IFT122: variants seen among roughly 807,000 people sequenced by gnomAD.
IFT122 encodes intraflagellar transport protein 122 homolog.
A neutral mutation model predicts 161.6 loss-of-function variants in IFT122; 118 were observed. The observed-to-expected ratio is 0.73, with a 90% CI of 0.63 to 0.85. The LOEUF is 0.85. Ranked by LOEUF, IFT122 falls within the 40% of genes least tolerant of loss-of-function variation. The pLI, the probability that IFT122 is intolerant of heterozygous loss-of-function variation, is 0.00. For missense variants in IFT122, 1,381 were observed against 1,579.6 expected (o/e 0.87, Z 2.13); for synonymous variants, 550 against 602.4 (o/e 0.91, Z 1.27).
intron 16 of IFT122, 57 bp from the exon 17 acceptor site, chr3:129,492,084 C>T: frequency 7.5e-7 from 1 of 1,338,776 alleles, no homozygotes; most frequent in Non-Finnish European, 1.1e-6. Flanking sequence ...CCTAGCCAAT[C>T]ACCCACTTTT....
At position 129,443,649 on chromosome 3, in the gene IFT122, T is replaced by C. The variant is rs78834324; in HGVS notation, c.41+3278T>C. 8.8e-3 allele frequency among the ~76,000 whole-genome samples: 1,338 copies of C among 152,366 alleles called. 13 individuals carry two copies. Among genetic ancestry groups the C allele is most frequent in the Non-Finnish European group, 0.015 (1,021 of 68,042 alleles). ...AATATGTAGAACATGGCCATTGCTT[T>C]CAAATTGTGTATGACTATAATTAAA... On this transcript the variant is annotated intron_variant, in intron 1 of 29. Transcript: ENST00000348417.
chr3:129,470,650 G>A (rs1387939816), intron 9 of IFT122, among the ~76,000 whole-genome samples: 9 of 151,318 alleles, frequency 5.9e-5, no homozygotes, highest in Admixed American at 5.9e-4. Flanking sequence ...GGTTCACTGC[G>A]ACCTCTGCCT....
In IFT122 at chr3:129,511,946, A is replaced by G. The variant is rs574651202; in HGVS notation, c.2887-366A>G. Among the ~76,000 whole-genome samples the G allele has an allele frequency of 7.2e-5, 11 of 152,378 alleles. No homozygotes were observed. In the South Asian group the frequency reaches 1.9e-3, roughly 26 times the overall value. On this transcript the variant is annotated intron_variant, in intron 23 of 29. Coordinates refer to ENST00000348417, the MANE Select transcript of IFT122 (RefSeq NM_052989.3). ...GAGACAACTTGAGTAGTTCAGAGAAATGGAATAATTACCAACTCCAGAGGC... is the reference window on the plus strand; with the variant it reads ...GAGACAACTTGAGTAGTTCAGAGAAGTGGAATAATTACCAACTCCAGAGGC...
rs1030828555 is a variant in IFT122, at chr3:129,510,017, A to G, written c.2886+2255A>G. On this transcript the variant is annotated intron_variant, in intron 23 of 29. Transcript: ENST00000348417. Reference sequence around the variant, plus strand: ...GCTATCCTTACTGCTGCTCCAGGCAAGGCTTCACGCCAGCTTTCCCTGACC... The same window carrying G: ...GCTATCCTTACTGCTGCTCCAGGCAGGGCTTCACGCCAGCTTTCCCTGACC... Among the ~76,000 whole-genome samples the G allele has an allele frequency of 2.6e-5, 4 of 152,170 alleles. No individual in the cohort carries two copies. In the South Asian group the frequency reaches 8.3e-4, roughly 32 times the overall value.
chr3:129,446,551 G>C (rs1212407119), intron 1 of IFT122, among the ~76,000 whole-genome samples: 1 of 152,102 alleles, frequency 6.6e-6, no homozygotes, highest in Non-Finnish European at 1.5e-5. Context: ...CCAATTGTCA[G>C]AAAAATTTTA....
intron 13 of IFT122, chr3:129,481,295 T>G: frequency 2.0e-6 from 1 of 509,556 alleles, no homozygotes. Context: ...TCGGCCTGTC[T>G]CAGGGCTGTC....
chr3:129,498,396 G>A (rs1487339504), intron 18 of IFT122, among the ~76,000 whole-genome samples: 1 of 152,218 alleles, frequency 6.6e-6, no homozygotes, highest in South Asian at 2.1e-4. Flanking sequence ...TGCTGGCATA[G>A]AGAATCCGCG....
At chr3:129,453,187 A>G (rs2075059380) in intron 3 of IFT122, among the ~76,000 whole-genome samples, 2 of 152,162 alleles carry the variant, frequency 1.3e-5, no homozygotes, top group African/African-American at 4.8e-5. Context: ...TAGGGCATAG[A>G]CGGGGTATTT....
chr3:129,511,323 G>A (rs182727122), intron 23 of IFT122, among the ~76,000 whole-genome samples: 4 of 152,196 alleles, frequency 2.6e-5, no homozygotes, highest in Non-Finnish European at 5.9e-5. Context: ...CTAACAAAAG[G>A]TATAGAAATT....
chr3:129,477,885 T>C lies in IFT122; in HGVS notation c.1148-131T>C. 3 of 754,904 alleles carry C rather than the reference T, an allele frequency of 4.0e-6. No individual in the cohort carries two copies. In the South Asian group the frequency reaches 4.8e-5, roughly 12 times the overall value. The allele number at this position is 754,904 out of a possible 1,614,324, so 46.8% of individuals were successfully genotyped here. ...AGTTGATTGTATGTATTAGATACTC[T>C]AAAGATTTTTCAATGAGAGTATCTC... On this transcript the variant is annotated intron_variant, in intron 11 of 29. Coordinates refer to ENST00000348417, the MANE Select transcript of IFT122 (RefSeq NM_052989.3).
intron 9 of IFT122, among the ~76,000 whole-genome samples, chr3:129,472,474 T>C (rs72988841): frequency 0.036 from 5,474 of 152,192 alleles, 304 homozygotes; most frequent in African/African-American, 0.11. Context: ...CTACTTCTGA[T>C]TTTAAGTGGA....
chr3:129,479,563 G>T (rs1156499439), intron 12 of IFT122, among the ~76,000 whole-genome samples: 1 of 152,172 alleles, frequency 6.6e-6, no homozygotes, highest in Non-Finnish European at 1.5e-5. Flanking sequence ...CTGCCTGGGT[G>T]GGGGTTTGCA....
rs760157093 is a variant in IFT122 at position 129,514,385 on chromosome 3, G to A, written c.2988-4G>A. The A allele has an allele frequency of 3.1e-6, 5 of 1,614,014 alleles. No homozygotes were observed. The highest frequency in any genetic ancestry group is 3.4e-6 in the Non-Finnish European group (4 of 1,179,954). ...CCTGCTGTCCTTAACCCTGTTCACG[G>A]CAGGAAAATACTCTTCACCTTGGCC... On this transcript the variant is annotated splice_region_variant and splice_polypyrimidine_tract_variant and intron_variant, in intron 24 of 29. Coordinates refer to ENST00000348417, the MANE Select transcript of IFT122 (RefSeq NM_052989.3).
intron 17 of IFT122, among the ~76,000 whole-genome samples, chr3:129,492,411 C>A (rs111753761): frequency 4.6e-5 from 7 of 152,292 alleles, no homozygotes; most frequent in African/African-American, 1.7e-4. Flanking sequence ...GGGTGAGGCA[C>A]ATGGGTTCCG....
In IFT122 at chr3:129,458,802, G is replaced by A. The variant is rs1037684097; in HGVS notation, c.272+125G>A. The A allele has an allele frequency of 6.7e-6, 5 of 746,540 alleles. No individual in the cohort carries two copies. In the African/African-American group the frequency reaches 8.7e-5, roughly 13 times the overall value. 46.2% of individuals were successfully genotyped at this position (746,540 alleles called of 1,614,324 possible). A position where few individuals can be genotyped will look rare whatever the true frequency, so the allele number is the denominator to read the frequency against. On this transcript the variant is annotated intron_variant, in intron 4 of 29. Coordinates refer to ENST00000348417, the MANE Select transcript of IFT122 (RefSeq NM_052989.3). ...AAATTGAACTTGAAATTAAGTTGTG[G>A]GTGTGTGTGGTTGGTATAGGAAGGT...
intron 7 of IFT122, among the ~76,000 whole-genome samples, 195 bp downstream of exon 7, chr3:129,464,976 C>T (rs2076560604): frequency 6.6e-6 from 1 of 151,958 alleles, no homozygotes; most frequent in Non-Finnish European, 1.5e-5. Context: ...TAAGAGCCTC[C>T]TCAAAAGTTG....
chr3:129,479,894 G>T lies in IFT122; in HGVS notation c.1460G>T (p.Gly487Val), dbSNP rs775756736. 2.5e-6 allele frequency: 4 copies of T among 1,613,976 alleles called. No homozygotes were observed. Among genetic ancestry groups the T allele is most frequent in the Non-Finnish European group, 2.5e-6 (3 of 1,180,002 alleles). ...ATCGGTGGCCCTCCTGGAAGAGAAG[G>T]CCTCTTAGTGGGGCTGAAGAATGGA... is the stretch of plus-strand genomic sequence containing the variant. Reference protein sequence around the residue: ...KVIGGPPGREGLLVGLKNGQI... With the variant: ...KVIGGPPGREVLLVGLKNGQI... The change falls in exon 13 of 30, where the codon GGC (glycine) becomes GTC (valine). Residue 487 changes from glycine (G) to valine (V), a missense_variant. Around this residue, in one of 7 missense-constraint regions of IFT122, gnomAD observed 544 missense variants for 648.0 expected, o/e 0.84. Transcript: ENST00000348417.
intron 12 of IFT122, 84 bp from the exon 13 acceptor site, chr3:129,479,701 C>G: frequency 6.4e-7 from 1 of 1,551,096 alleles, no homozygotes; most frequent in Non-Finnish European, 8.9e-7. Flanking sequence ...ATTTTCTCCC[C>G]TTAGGGACAG....
chr3:129,445,241 G>A (rs1423682167), intron 1 of IFT122, among the ~76,000 whole-genome samples: 2 of 152,096 alleles, frequency 1.3e-5, no homozygotes, highest in African/African-American at 4.8e-5. Flanking sequence ...CAGGAGAATC[G>A]ATTGAAACTG....
Sources: gnomAD v4.1 joint callset for allele counts (sites outside exome capture counted in the v4.1 genomes callset) on GRCh38, gnomAD v4.1.1 for gene constraint, gnomAD v4.1.1 regional missense constraint, MANE v1.5 for transcripts, NCBI Gene and HGNC (gene_info 2026-07-23, HGNC 2026-07-21) for gene names.